PPP1R9A: variants seen among roughly 807,000 people sequenced by gnomAD.
PPP1R9A encodes the protein protein phosphatase 1 regulatory subunit 9A.
In PPP1R9A, 59 loss-of-function variants were observed where a neutral mutation model predicts 141.9. The ratio of observed to expected loss-of-function variants is 0.42; its 90% CI spans 0.34 to 0.52. PPP1R9A has a LOEUF of 0.52. Ranked by LOEUF, PPP1R9A falls within the 20% of genes least tolerant of loss-of-function variation. PPP1R9A has a pLI of 0.10. For missense variants in PPP1R9A, 1,444 were observed against 1,611.9 expected (o/e 0.90, Z 1.78); for synonymous variants, 500 against 569.7 (o/e 0.88, Z 1.74).
At chr7:95,246,095 C>A (rs1476045359) in intron 8 of PPP1R9A, among the ~76,000 whole-genome samples, 1 of 152,168 alleles carries the variant, frequency 6.6e-6, no homozygotes, top group Non-Finnish European at 1.5e-5. Flanking sequence ...AGGTTCTGGG[C>A]AGTTAGCCAC....
intron 4 of PPP1R9A, among the ~76,000 whole-genome samples, chr7:95,138,428 AG>A (rs1158156164): frequency 6.6e-6 from 1 of 152,222 alleles, no homozygotes; most frequent in African/African-American, 2.4e-5. Context: ...AAGCTCTAAA[AG>A]AATACAGAGG....
intron 2 of PPP1R9A, among the ~76,000 whole-genome samples, chr7:94,991,321 CTT>C (rs1176770621): frequency 6.6e-6 from 1 of 152,040 alleles, no homozygotes; most frequent in Non-Finnish European, 1.5e-5. Flanking sequence ...ATTTGTTTGT[CTT>C]TTTTAGGGAA....
At chr7:95,182,701 A>G (rs1481916257) in intron 5 of PPP1R9A, among the ~76,000 whole-genome samples, 1 of 152,182 alleles carries the variant, frequency 6.6e-6, no homozygotes, top group Non-Finnish European at 1.5e-5. Flanking sequence ...TATTCCTAAG[A>G]CTACCGCTTG....
chr7:95,183,043 A>G (rs1834088925), intron 5 of PPP1R9A, among the ~76,000 whole-genome samples: 1 of 152,184 alleles, frequency 6.6e-6, no homozygotes, highest in African/African-American at 2.4e-5. Context: ...TATGCCTGTT[A>G]AATAGTGTGT....
intron 2 of PPP1R9A, among the ~76,000 whole-genome samples, chr7:94,931,046 T>A (rs2150830473): frequency 6.6e-6 from 1 of 151,894 alleles, no homozygotes; most frequent in Middle Eastern, 3.4e-3. Flanking sequence ...AGCTGGAAGT[T>A]TTTCTTTTTT....
intron 3 of PPP1R9A, among the ~76,000 whole-genome samples, chr7:95,118,881 C>T (rs1426369771): frequency 1.3e-5 from 2 of 150,284 alleles, no homozygotes; most frequent in Non-Finnish European, 3.0e-5. Flanking sequence ...ACCTCGGAGG[C>T]TGAGGTGGGA....
chr7:94,910,499 C>G lies in PPP1R9A; in HGVS notation c.386C>G (p.Thr129Ser). The G allele has an allele frequency of 6.2e-7, 1 of 1,614,164 alleles. No homozygotes were observed. Among genetic ancestry groups the G allele is most frequent in the Non-Finnish European group, 8.5e-7 (1 of 1,180,026 alleles). ...TCTGAACGAATTAGTAGATTTGACA[C>G]TATGTACGATGGCCCTTCATATTCC... ...SVSERISRFD[T>S]MYDGPSYSKF... The change falls in exon 2 of 20, where the codon ACT (threonine) becomes AGT (serine). Residue 129 changes from threonine (T) to serine (S), a missense_variant. Thr to Ser is a moderately conservative substitution (Grantham distance 58). This residue lies in a region of PPP1R9A where 490 missense variants were observed against 521.1 expected (regional missense o/e 0.94). Coordinates refer to ENST00000433360, the MANE Select transcript of PPP1R9A (RefSeq NM_001166160.2). The surrounding 1 kb of genome is among the most constrained non-coding windows in gnomAD (Gnocchi z 4.5).
intron 7 of PPP1R9A, among the ~76,000 whole-genome samples, chr7:95,210,913 C>T (rs576587033): frequency 1.8e-3 from 271 of 152,068 alleles, no homozygotes; most frequent in African/African-American, 6.1e-3. Context: ...AACCAAACAC[C>T]GCATGTTCTC....
intron 2 of PPP1R9A, among the ~76,000 whole-genome samples, chr7:95,032,023 T>C (rs1807758458): frequency 6.6e-6 from 1 of 152,216 alleles, no homozygotes; most frequent in Non-Finnish European, 1.5e-5. Context: ...ATCTGTCTGC[T>C]TCAAATCACT....
chr7:94,987,047 T>G (rs947497742), intron 2 of PPP1R9A, among the ~76,000 whole-genome samples: 8 of 152,214 alleles, frequency 5.3e-5, no homozygotes, highest in Non-Finnish European at 1.2e-4. Context: ...ATCCAGTTCC[T>G]TGGTGATCTC....
chr7:95,120,943 C>T, intron 4 of PPP1R9A, 111 bp downstream of exon 4: 2 of 1,360,734 alleles, frequency 1.5e-6, no homozygotes, highest in South Asian at 3.0e-5. Flanking sequence ...GATAGAATTT[C>T]AGGTTTCTCA....
chr7:95,010,558 CT>C (rs1261069566), intron 2 of PPP1R9A, among the ~76,000 whole-genome samples: 1 of 152,092 alleles, frequency 6.6e-6, no homozygotes, highest in Non-Finnish European at 1.5e-5. Flanking sequence ...GTTTCTGTTA[CT>C]GAATTCTACT....
intron 17 of PPP1R9A, among the ~76,000 whole-genome samples, chr7:95,285,230 A>C (rs1805061456): frequency 6.6e-6 from 1 of 152,242 alleles, no homozygotes; most frequent in South Asian, 2.1e-4. Context: ...GAAATCTAAC[A>C]GTCCAATTCC....
intron 3 of PPP1R9A, among the ~76,000 whole-genome samples, chr7:95,120,237 A>G (rs1226085593): frequency 6.6e-6 from 1 of 152,136 alleles, no homozygotes; most frequent in Admixed American, 6.5e-5. Flanking sequence ...GATTGCTAGC[A>G]TGAGCCACCA....
chr7:94,940,000 G>A (rs1002159770), intron 2 of PPP1R9A, among the ~76,000 whole-genome samples: 2 of 151,898 alleles, frequency 1.3e-5, no homozygotes, highest in African/African-American at 4.8e-5. Context: ...CCAGCACTTG[G>A]TAGGCCCCTA....
Position 95,126,905 on chromosome 7 carries a change from G to A in PPP1R9A, c.1649+6073G>A, listed in dbSNP as rs568910416. Among the ~76,000 whole-genome samples the A allele has an allele frequency of 2.0e-5, 3 of 152,170 alleles. No individual in the cohort carries two copies. In the East Asian group the frequency reaches 5.8e-4, roughly 29 times the overall value. ...AATACTCTGCTGGCTCATGTTCTAG[G>A]GAGTTGTAGGAGCAATCTATAGTGG... On this transcript the variant is annotated intron_variant, in intron 4 of 19. Coordinates refer to ENST00000433360, the MANE Select transcript of PPP1R9A (RefSeq NM_001166160.2).
At chr7:95,274,593 A>G (rs962864041) in intron 16 of PPP1R9A, among the ~76,000 whole-genome samples, 2 of 152,186 alleles carry the variant, frequency 1.3e-5, no homozygotes, top group South Asian at 2.1e-4. Context: ...TGTCTTGTCC[A>G]CATGTATGTA....
intron 2 of PPP1R9A, among the ~76,000 whole-genome samples, chr7:94,968,131 T>G (rs1021170804): frequency 6.6e-6 from 1 of 152,208 alleles, no homozygotes; most frequent in African/African-American, 2.4e-5. Context: ...TAGTTAGCTC[T>G]TCTTGTCGCA....
intron 2 of PPP1R9A, among the ~76,000 whole-genome samples, chr7:95,091,337 C>T (rs1337108247): frequency 5.3e-5 from 4 of 75,988 alleles, no homozygotes; most frequent in Admixed American, 3.8e-4. Flanking sequence ...TGTTTTAACT[C>T]TTTTTTTTTT....
Sources: allele counts gnomAD v4.1 joint callset (sites outside exome capture counted in the v4.1 genomes callset), GRCh38; gene constraint gnomAD v4.1.1; regional missense constraint gnomAD v4.1.1; non-coding constraint Gnocchi (gnomAD v3.1); transcripts MANE v1.5; gene names NCBI Gene and HGNC (gene_info 2026-07-23, HGNC 2026-07-21).